Variants in ASH1L observed in about 807,000 individuals in gnomAD.
ASH1L encodes the protein ASH1 like histone lysine methyltransferase.
In ASH1L, 23 loss-of-function variants were observed where a neutral mutation model predicts 269.0. The ratio of observed to expected loss-of-function variants is 0.09; its 90% CI spans 0.06 to 0.12. ASH1L has a LOEUF of 0.12. Among genes scored for constraint, ASH1L ranks in the 10% least tolerant of loss-of-function variants. The pLI is 1.00. For missense variants in ASH1L, 2,912 were observed against 3,567.8 expected, an observed-to-expected ratio of 0.82 and a Z score of 4.68; for synonymous variants, 1,187 against 1,253.5, an observed-to-expected ratio of 0.95 and a Z score of 1.12.
intron 2 of ASH1L, among the ~76,000 whole-genome samples, chr1:155,489,694 C>G (rs956895784): frequency 9.3e-5 from 14 of 151,288 alleles, no homozygotes; most frequent in African/African-American, 3.4e-4. Context: ...GGAGGCGGAG[C>G]TTGCGGTGAG....
At chr1:155,401,859 C>T (rs984586206) in intron 6 of ASH1L, among the ~76,000 whole-genome samples, 2 of 151,694 alleles carry the variant, frequency 1.3e-5, no homozygotes, top group African/African-American at 2.4e-5. Flanking sequence ...GAGGCCAAGG[C>T]AGGTGGATCA....
chr1:155,543,962 A>G (rs1670622279), intron 1 of ASH1L, among the ~76,000 whole-genome samples: 1 of 151,926 alleles, frequency 6.6e-6, no homozygotes. Context: ...CAAAACAAAA[A>G]AGCAATTTCC....
At chr1:155,378,688 A>G (rs924250507) in intron 8 of ASH1L, 140 bp from the exon 9 acceptor site, 2 of 667,904 alleles carry the variant, frequency 3.0e-6, no homozygotes, top group African/African-American at 1.8e-5. Context: ...GGTTGGATAC[A>G]TTTGAGGGAA....
At chr1:155,346,574 G>C in intron 20 of ASH1L, 105 bp from the exon 21 acceptor site, 1 of 852,260 alleles carries the variant, frequency 1.2e-6, no homozygotes, top group Non-Finnish European at 1.9e-6. Flanking sequence ...TAAAGTAAAA[G>C]AGGAACTAAG....
intron 4 of ASH1L, among the ~76,000 whole-genome samples, chr1:155,452,295 G>A (rs905757431): frequency 7.3e-5 from 11 of 150,858 alleles, no homozygotes; most frequent in Middle Eastern, 7.2e-3. Flanking sequence ...CACCTCGGCC[G>A]CCCAAAGTGC....
chr1:155,337,959 C>T (rs1652451386), intron 27 of ASH1L, 130 bp downstream of exon 27: 2 of 1,114,630 alleles, frequency 1.8e-6, no homozygotes, highest in African/African-American at 3.2e-5. Flanking sequence ...CAACTAAAAG[C>T]AAGCCTATAA....
chr1:155,468,226 TTATTA>T (rs1182079847), intron 3 of ASH1L, among the ~76,000 whole-genome samples: 4 of 31,078 alleles, frequency 1.3e-4, no homozygotes, highest in African/African-American at 1.6e-4. Context: ...TTTATTATTA[TTATTA>T]TTTTTTTTTT....
At chr1:155,490,067 C>A (rs1260797129) in intron 2 of ASH1L, among the ~76,000 whole-genome samples, 1 of 151,356 alleles carries the variant, frequency 6.6e-6, no homozygotes, top group Non-Finnish European at 1.5e-5. Context: ...CTCCCAGGTT[C>A]ACACCACTCT....
chr1:155,522,918 T>C (rs983784916), intron 1 of ASH1L, among the ~76,000 whole-genome samples: 4 of 152,144 alleles, frequency 2.6e-5, no homozygotes, highest in African/African-American at 9.7e-5. Context: ...CTTGAACGCC[T>C]GACCTCAGGT....
At chr1:155,412,309 T>C (rs1276937457) in intron 6 of ASH1L, among the ~76,000 whole-genome samples, 2 of 151,894 alleles carry the variant, frequency 1.3e-5, no homozygotes, top group Non-Finnish European at 2.9e-5. Context: ...CTCTGGAGGC[T>C]GAGGCAGGAG....
At chr1:155,507,581 T>C (rs1307055905) in intron 2 of ASH1L, among the ~76,000 whole-genome samples, 1 of 151,726 alleles carries the variant, frequency 6.6e-6, no homozygotes, top group Non-Finnish European at 1.5e-5. Context: ...AGACATGGTA[T>C]AATGATATGA....
intron 4 of ASH1L, among the ~76,000 whole-genome samples, chr1:155,442,583 C>CAAA (rs1205815203): frequency 3.0e-5 from 1 of 33,640 alleles, no homozygotes; most frequent in Non-Finnish European, 6.8e-5. Flanking sequence ...GACTCCATCT[C>CAAA]AAAAAAAAAA....
rs1183856138 is a variant in ASH1L, at chr1:155,433,654, C to A, written c.5828+4673G>T. On this transcript the variant is annotated intron_variant, in intron 5 of 27. Coordinates refer to ENST00000392403, the MANE Select transcript of ASH1L (RefSeq NM_018489.3). The stretch of plus-strand genomic sequence containing the variant: ...CCAAGCTCCTGAAGCAGAAGAGGAT[C>A]ACCCTGGGATATACACAGGCCGATG... 8 of 1,604,826 alleles carry A rather than the reference C, an allele frequency of 5.0e-6. No individual in the cohort carries two copies. The Admixed American group carries it at 5.1e-5, about 10-fold the overall frequency.
chr1:155,342,136 T>C (rs1331387539), intron 24 of ASH1L, 34 bp from the exon 25 acceptor site: 6 of 1,605,898 alleles, frequency 3.7e-6, no homozygotes, highest in South Asian at 1.1e-5. Context: ...GAATCCTATT[T>C]AGCCATTTCT....
intron 1 of ASH1L, among the ~76,000 whole-genome samples, chr1:155,559,362 G>A (rs914872396): frequency 6.6e-6 from 1 of 151,712 alleles, no homozygotes; most frequent in Non-Finnish European, 1.5e-5. Flanking sequence ...ATGGAGAAAC[G>A]CTGTCTCTAC....
At chr1:155,377,403 A>T (rs1363417666) in intron 10 of ASH1L, among the ~76,000 whole-genome samples, 2 of 152,216 alleles carry the variant, frequency 1.3e-5, no homozygotes, top group African/African-American at 4.8e-5. Flanking sequence ...GCAACCATAT[A>T]TTGAGAGCTA....
chr1:155,346,521 G>A (rs753707661), intron 20 of ASH1L, 52 bp from the exon 21 acceptor site: 1 of 1,507,270 alleles, frequency 6.6e-7, no homozygotes, highest in Non-Finnish European at 9.2e-7. Flanking sequence ...CTTATTGAGA[G>A]TGTCCTGGGA....
intron 6 of ASH1L, among the ~76,000 whole-genome samples, chr1:155,414,149 C>T (rs1254655330): frequency 6.6e-6 from 1 of 152,112 alleles, no homozygotes. Context: ...TTCAGATATT[C>T]ATGACTTTTT....
chr1:155,347,601 A>G, intron 20 of ASH1L, 55 bp downstream of exon 20: 4 of 1,602,392 alleles, frequency 2.5e-6, no homozygotes, highest in Middle Eastern at 1.7e-4. Context: ...TCTTCTTTGA[A>G]TATGGTCACC....
Sources: allele counts gnomAD v4.1 joint callset (sites outside exome capture counted in the v4.1 genomes callset), GRCh38; gene constraint gnomAD v4.1.1; transcripts MANE v1.5; gene names NCBI Gene and HGNC (gene_info 2026-07-23, HGNC 2026-07-21).